The following ZC3HAV1 variants were observed in gnomAD, a reference collection of about 807,000 sequenced individuals.
The protein encoded by ZC3HAV1 is zinc finger CCCH-type antiviral protein 1.
Under a neutral mutation model 86.6 loss-of-function variants are expected in ZC3HAV1, and 41 were observed. That is an observed-to-expected ratio of 0.47 (90% CI 0.37 to 0.61). The LOEUF is 0.61. Among genes scored for constraint, ZC3HAV1 ranks in the 20% least tolerant of loss-of-function variants. The probability of loss-of-function intolerance (pLI) is 0.00; values close to 1 mark genes in which losing one functional copy is unlikely to be tolerated. For missense variants in ZC3HAV1, 964 were observed against 1,141.1 expected, an observed-to-expected ratio of 0.84 and a Z score of 2.24; for synonymous variants, 421 against 432.1, an observed-to-expected ratio of 0.97 and a Z score of 0.32.
intron 2 of ZC3HAV1, among the ~76,000 whole-genome samples, chr7:139,087,415 CAGAGAG>C (rs35425692): frequency 7.5e-6 from 1 of 133,908 alleles, no homozygotes; most frequent in African/African-American, 2.8e-5. Context: ...GGGACAGAGA[CAGAGAG>C]AGAGAGAGAG....
Position 139,073,999 on chromosome 7 carries a change from G to T in ZC3HAV1, c.1729C>A (p.Arg577=), listed in dbSNP as rs144346512. The T allele has an allele frequency of 1.1e-4, 173 of 1,613,256 alleles. No individual in the cohort carries two copies. The Admixed American group carries it at 2.9e-3, about 27-fold the overall frequency. ...CSVGSYTINF[R]VMSCDSFPIR... Reference sequence around the variant, plus strand: ...GGAAAGGAATCACAACTCATTACCCGAAAATTGATTGTATAACTTCCTACA... The same window carrying T: ...GGAAAGGAATCACAACTCATTACCCTAAAATTGATTGTATAACTTCCTACA... Residue 577 remains arginine (R), a synonymous_variant, in exon 7 of 13, where the codon CGG becomes AGG. Transcript: ENST00000242351.
Position 139,055,221 on chromosome 7 carries a change from G to A in ZC3HAV1, c.2171C>T (p.Ser724Phe). 1 of 1,612,962 alleles carries A rather than the reference G, an allele frequency of 6.2e-7. No individual in the cohort carries two copies. The highest frequency in any genetic ancestry group is 8.5e-7 in the Non-Finnish European group (1 of 1,179,360). Residue 724 changes from serine to phenylalanine, a missense_variant, in exon 10 of 13, where the codon TCC (serine) becomes TTC (phenylalanine). Physicochemically the swap from Ser to Phe is radical, Grantham distance 155. Coordinates refer to ENST00000242351, the MANE Select transcript of ZC3HAV1 (RefSeq NM_020119.4). ...ACCAAGTACCTTATATTTCTTTGAG[G>A]ATAGGAAGCAAAAGTCCTCCTGAGG... Reference protein sequence around the residue: ...FRPQEDFCFLSSKKYKLSEIH... With the variant: ...FRPQEDFCFLFSKKYKLSEIH...
At chr7:139,095,122 C>T (rs1227133027) in intron 1 of ZC3HAV1, among the ~76,000 whole-genome samples, 12 of 152,044 alleles carry the variant, frequency 7.9e-5, no homozygotes, top group South Asian at 2.1e-4. Flanking sequence ...AATCACTCAC[C>T]ATGATATAAG....
At chr7:139,099,752 C>A (rs1456300123) in intron 1 of ZC3HAV1, among the ~76,000 whole-genome samples, 1 of 152,138 alleles carries the variant, frequency 6.6e-6, no homozygotes, top group Non-Finnish European at 1.5e-5. Flanking sequence ...TGTGGCAAAA[C>A]CCTGTCTCTA....
intron 7 of ZC3HAV1, among the ~76,000 whole-genome samples, chr7:139,068,382 A>G (rs1179169970): frequency 1.3e-5 from 2 of 152,164 alleles, no homozygotes; most frequent in South Asian, 4.1e-4. Flanking sequence ...CTTCCACATG[A>G]GAATTTCATC....
chr7:139,095,034 C>G (rs956195550), intron 1 of ZC3HAV1, among the ~76,000 whole-genome samples: 2 of 149,392 alleles, frequency 1.3e-5, no homozygotes, highest in African/African-American at 4.9e-5. Context: ...TCCCTTCTCT[C>G]CTTCATCCCC....
chr7:139,057,536 T>TAAAAAATAAATGC (rs1584840609), intron 9 of ZC3HAV1, among the ~76,000 whole-genome samples: 3,123 of 59,882 alleles, frequency 0.052, 530 homozygotes, highest in African/African-American at 0.079. Context: ...AATTACATTT[T>TAAAAAATAAATGC]TTTTTTTTTT....
Position 139,053,862 on chromosome 7 carries a change from T to A in ZC3HAV1, c.2318+103A>T, listed in dbSNP as rs572696685. On this transcript the variant is annotated intron_variant, in intron 11 of 12. Coordinates refer to ENST00000242351, the MANE Select transcript of ZC3HAV1 (RefSeq NM_020119.4). ...AAAAAAGACTAGCGCCTAAAGGAACTGTTAACTACTAAAATAAATCAGTGA... is the reference window on the plus strand; with the variant it reads ...AAAAAAGACTAGCGCCTAAAGGAACAGTTAACTACTAAAATAAATCAGTGA... The A allele has an allele frequency of 1.2e-4, 166 of 1,337,570 alleles. 3 individuals are homozygous for A. In the South Asian group the frequency reaches 2.2e-3, roughly 18 times the overall value. 82.9% of individuals were successfully genotyped at this position (1,337,570 alleles called of 1,614,324 possible).
chr7:139,048,220 C>T (rs556733320), intron 12 of ZC3HAV1, among the ~76,000 whole-genome samples: 1 of 152,306 alleles, frequency 6.6e-6, no homozygotes, highest in South Asian at 2.1e-4. Context: ...TCGTCCTCAA[C>T]TCTAAAACAA....
intron 5 of ZC3HAV1, among the ~76,000 whole-genome samples, chr7:139,077,260 G>A (rs1354128416): frequency 1.3e-5 from 2 of 152,036 alleles, no homozygotes; most frequent in Non-Finnish European, 2.9e-5. Context: ...TTTGTTTTGA[G>A]GCAGAATCTC....
Position 139,109,466 on chromosome 7 carries a change from G to A in ZC3HAV1, c.-135C>T. ...GCGCGCCCGGAGTCAGCGAGGGCGCGCTCTCCGTCGCCGTTAGCCCAGCCC... is the reference window on the plus strand; with the variant it reads ...GCGCGCCCGGAGTCAGCGAGGGCGCACTCTCCGTCGCCGTTAGCCCAGCCC... On this transcript the variant is annotated 5_prime_UTR_variant, in exon 1 of 13. Transcript: ENST00000242351. 1 of 1,121,622 alleles carries A rather than the reference G, an allele frequency of 8.9e-7. No individual in the cohort carries two copies. The highest frequency in any genetic ancestry group is 1.2e-6 in the Non-Finnish European group (1 of 818,570). 69.5% of individuals were successfully genotyped at this position (1,121,622 alleles called of 1,614,324 possible). A position where few individuals can be genotyped will look rare whatever the true frequency, so the allele number is the denominator to read the frequency against.
intron 7 of ZC3HAV1, among the ~76,000 whole-genome samples, chr7:139,069,529 G>A (rs376844932): frequency 1.3e-5 from 2 of 152,180 alleles, no homozygotes; most frequent in African/African-American, 4.8e-5. Context: ...CCTAACTGGT[G>A]CACATTCAAC....
At chr7:139,056,680 T>C (rs1816296297) in intron 9 of ZC3HAV1, among the ~76,000 whole-genome samples, 1 of 152,138 alleles carries the variant, frequency 6.6e-6, no homozygotes, top group South Asian at 2.1e-4. Flanking sequence ...GTGCTAGGAT[T>C]ACAGGCATGA....
chr7:139,109,524 C>G lies in ZC3HAV1; in HGVS notation c.-193G>C, dbSNP rs1395091355. 1.5e-6 allele frequency: 1 copy of G among 655,842 alleles called. No individual in the cohort carries two copies. Among genetic ancestry groups the G allele is most frequent in the African/African-American group, 1.9e-5 (1 of 52,716 alleles). The allele number at this position is 655,842 out of a possible 1,614,324, so 40.6% of individuals were successfully genotyped here. On this transcript the variant is annotated 5_prime_UTR_variant, in exon 1 of 13. Transcript: ENST00000242351. ...CACTCTCGGCTCTCAGGTCAAGAGG[C>G]TAGATCTCACCGACCGGGTCCTAGT...
intron 7 of ZC3HAV1, 144 bp from the exon 8 acceptor site, chr7:139,065,143 C>G (rs1188713412): frequency 6.4e-6 from 7 of 1,091,654 alleles, no homozygotes; most frequent in Non-Finnish European, 9.0e-6. Flanking sequence ...CAGCTCAGGG[C>G]TATGTCACAG....
intron 1 of ZC3HAV1, among the ~76,000 whole-genome samples, chr7:139,101,501 T>C (rs1200033614): frequency 9.8e-6 from 1 of 101,842 alleles, no homozygotes; most frequent in Non-Finnish European, 1.9e-5. Flanking sequence ...CACCACCCCG[T>C]CTGGGAGGTG....
rs1486935291 is a variant in ZC3HAV1 at position 139,047,811 on chromosome 7, C to G, written c.2492G>C (p.Cys831Ser). ...AKDAIYSHKN[C>S]PYDAKNVVMF... ...AACGACGTTTTTGGCATCATACGGG[C>G]AATTTTTGTGGGAATAGATGGCATC... The change falls in exon 13 of 13, where the codon TGC becomes TCC. Residue 831 changes from cysteine to serine, a missense_variant. Coordinates refer to ENST00000242351, the MANE Select transcript of ZC3HAV1 (RefSeq NM_020119.4). 2 of 1,613,658 alleles carry G rather than the reference C, an allele frequency of 1.2e-6. No individual in the cohort carries two copies. Among genetic ancestry groups the G allele is most frequent in the Admixed American group, 3.3e-5 (2 of 59,936 alleles).
At chr7:139,067,611 A>G (rs1315631113) in intron 7 of ZC3HAV1, among the ~76,000 whole-genome samples, 1 of 152,138 alleles carries the variant, frequency 6.6e-6, no homozygotes, top group Admixed American at 6.6e-5. Context: ...AATGGGTACA[A>G]TGTACATTAT....
chr7:139,097,020 G>A (rs534182000), intron 1 of ZC3HAV1, among the ~76,000 whole-genome samples: 3 of 152,138 alleles, frequency 2.0e-5, no homozygotes, highest in Non-Finnish European at 2.9e-5. Flanking sequence ...CTACTTCAGA[G>A]CTGAGGTGGG....
Sources: allele counts gnomAD v4.1 joint callset (sites outside exome capture counted in the v4.1 genomes callset), GRCh38; gene constraint gnomAD v4.1.1; transcripts MANE v1.5; gene names NCBI Gene and HGNC (gene_info 2026-07-23, HGNC 2026-07-21).